Variants in WDPCP observed in about 807,000 individuals in gnomAD.
WDPCP encodes the protein WD repeat containing planar cell polarity effector.
A neutral mutation model predicts 93.1 loss-of-function variants in WDPCP; 71 were observed. The ratio of observed to expected loss-of-function variants is 0.76; its 90% CI spans 0.63 to 0.93. WDPCP has a LOEUF of 0.93. Among genes scored for constraint, WDPCP ranks in the 40% least tolerant of loss-of-function variants. WDPCP has a pLI of 0.00. For synonymous variants in WDPCP, 315 were observed against 315.0 expected (o/e 1.00, Z 0.00); for missense variants, 844 against 887.4 (o/e 0.95, Z 0.62).
intron 3 of WDPCP, chr2:63,605,802 G>T (rs903678813): frequency 1.4e-6 from 1 of 737,350 alleles, no homozygotes; most frequent in East Asian, 2.5e-5. Context: ...ACCAGTACCT[G>T]GTGCTGATGA....
chr2:63,605,297 C>G, intron 3 of WDPCP: 1 of 1,613,418 alleles, frequency 6.2e-7, no homozygotes, highest in African/African-American at 1.3e-5. Flanking sequence ...AGCAGCGTGG[C>G]GCTGCTGTCA....
chr2:63,801,527 C>G (rs1670694596), intron 2 of WDPCP, among the ~76,000 whole-genome samples: 1 of 152,172 alleles, frequency 6.6e-6, no homozygotes. Flanking sequence ...GGGTGGCCAG[C>G]TTCTATTCCC....
chr2:63,375,521 A>C (rs1691776861), intron 12 of WDPCP, among the ~76,000 whole-genome samples: 1 of 151,918 alleles, frequency 6.6e-6, no homozygotes, highest in African/African-American at 2.4e-5. Context: ...TTTCTTTATG[A>C]AAATTGATCA....
intron 14 of WDPCP, among the ~76,000 whole-genome samples, chr2:63,240,923 T>C (rs1012805766): frequency 2.4e-4 from 36 of 152,204 alleles, no homozygotes; most frequent in Admixed American, 7.9e-4. Context: ...GACAACTTGT[T>C]TTGGAATATA....
At chr2:63,175,558 CA>C (rs1183621966) in intron 14 of WDPCP, among the ~76,000 whole-genome samples, 1 of 152,070 alleles carries the variant, frequency 6.6e-6, no homozygotes, top group Non-Finnish European at 1.5e-5. Flanking sequence ...TTTTGTCTTG[CA>C]AAACTGAAAC....
intron 12 of WDPCP, among the ~76,000 whole-genome samples, chr2:63,353,030 G>A (rs986832075): frequency 1.3e-5 from 2 of 152,044 alleles, no homozygotes; most frequent in Non-Finnish European, 2.9e-5. Context: ...CCTGACCCAC[G>A]GAGAACAAAG....
intron 6 of WDPCP, chr2:63,441,266 C>T (rs765090135): frequency 3.9e-5 from 6 of 152,138 alleles, no homozygotes; most frequent in Admixed American, 2.0e-4. Flanking sequence ...CTACCACATA[C>T]CTTAATGGCA....
intron 2 of WDPCP, among the ~76,000 whole-genome samples, chr2:63,778,161 T>C (rs1670331918): frequency 6.6e-6 from 1 of 152,136 alleles, no homozygotes; most frequent in African/African-American, 2.4e-5. Context: ...TCTTTAGACA[T>C]GGTGTTTTCT....
chr2:63,826,556 A>G (rs1040234785), intron 1 of WDPCP, among the ~76,000 whole-genome samples: 6 of 152,172 alleles, frequency 3.9e-5, no homozygotes, highest in Admixed American at 2.0e-4. Flanking sequence ...AAATTTTTAA[A>G]AAGTCTGCTA....
rs1706147320 is a variant in WDPCP, at chr2:63,556,679, T to A, written c.75+31518A>T. Among the ~76,000 whole-genome samples, 4 of 152,116 alleles carry A rather than the reference T, an allele frequency of 2.6e-5. No individual in the cohort carries two copies. In the South Asian group the frequency reaches 8.3e-4, roughly 32 times the overall value. ...TTTAGTTTTCAGAACACCAGTAAGATACTCCATGAAAAGATCAACCGCAAG... is the reference window on the plus strand; with the variant it reads ...TTTAGTTTTCAGAACACCAGTAAGAAACTCCATGAAAAGATCAACCGCAAG... On this transcript the variant is annotated intron_variant, in intron 1 of 17. Coordinates refer to ENST00000272321, the MANE Select transcript of WDPCP (RefSeq NM_015910.7).
chr2:63,646,937 A>G (rs2106634590), intron 3 of WDPCP, among the ~76,000 whole-genome samples: 1 of 152,206 alleles, frequency 6.6e-6, no homozygotes, highest in Admixed American at 6.5e-5. Flanking sequence ...GTACTTGGAT[A>G]TTGAGATCTT....
At chr2:63,614,043 T>TC in intron 3 of WDPCP, among the ~76,000 whole-genome samples, 1 of 152,240 alleles carries the variant, frequency 6.6e-6, no homozygotes, top group Non-Finnish European at 1.5e-5. Context: ...TATAAGAACC[T>TC]CCGTTCACAG....
intron 17 of WDPCP, among the ~76,000 whole-genome samples, chr2:63,136,011 G>C (rs1670592792): frequency 6.6e-6 from 1 of 152,330 alleles, no homozygotes; most frequent in South Asian, 2.1e-4. Context: ...AGGATTACAG[G>C]TGTGAGCCAC....
At chr2:63,313,886 A>ATAT in intron 12 of WDPCP, among the ~76,000 whole-genome samples, 1,885 of 74,212 alleles carry the variant, frequency 0.025, 58 homozygotes, top group Non-Finnish European at 0.04. Flanking sequence ...ATATATATAT[A>ATAT]TTTTTTTTTT....
chr2:63,646,268 A>C (rs1710049196), intron 3 of WDPCP, among the ~76,000 whole-genome samples: 1 of 152,182 alleles, frequency 6.6e-6, no homozygotes, highest in African/African-American at 2.4e-5. Context: ...AACAAGCAAA[A>C]AGAAAACTAA....
chr2:63,284,701 C>A (rs1184992364), intron 13 of WDPCP, among the ~76,000 whole-genome samples: 2 of 152,130 alleles, frequency 1.3e-5, no homozygotes, highest in African/African-American at 4.8e-5. Context: ...TGATTTTTAT[C>A]CTGGGCAGGA....
chr2:63,465,681 C>A (rs1699300575), intron 6 of WDPCP, among the ~76,000 whole-genome samples: 1 of 152,096 alleles, frequency 6.6e-6, no homozygotes, highest in Non-Finnish European at 1.5e-5. Context: ...TACTTACTAA[C>A]AAGTTGTGTG....
intron 14 of WDPCP, among the ~76,000 whole-genome samples, chr2:63,196,273 G>C (rs1214302293): frequency 6.6e-6 from 1 of 152,186 alleles, no homozygotes; most frequent in East Asian, 1.9e-4. Flanking sequence ...ATGGACTGGG[G>C]ATCTGCAGCT....
intron 1 of WDPCP, among the ~76,000 whole-genome samples, chr2:63,533,261 G>A (rs541330598): frequency 6.6e-6 from 1 of 152,240 alleles, no homozygotes; most frequent in African/African-American, 2.4e-5. Flanking sequence ...ATAATAATGG[G>A]AGACTTGAAC....
Sources: allele counts gnomAD v4.1 joint callset (sites outside exome capture counted in the v4.1 genomes callset), GRCh38; gene constraint gnomAD v4.1.1; transcripts MANE v1.5; gene names NCBI Gene and HGNC (gene_info 2026-07-23, HGNC 2026-07-21).